The following CLYBL variants were observed in gnomAD, a reference collection of about 807,000 sequenced individuals.
CLYBL encodes citramalyl-CoA lyase, mitochondrial.
A neutral mutation model predicts 38.9 loss-of-function variants in CLYBL; 31 were observed. That is an observed-to-expected ratio of 0.80 (90% confidence interval 0.60 to 1.08). The LOEUF is 1.08. Among genes scored for constraint, CLYBL ranks in the 50% least tolerant of loss-of-function variants. CLYBL has a pLI of 0.00. For synonymous variants in CLYBL, 171 were observed against 158.6 expected, an observed-to-expected ratio of 1.08 and a Z score of -0.59; for missense variants, 434 against 411.6, an observed-to-expected ratio of 1.05 and a Z score of -0.47.
At chr13:99,803,965 T>C (rs890083778) in intron 2 of CLYBL, among the ~76,000 whole-genome samples, 3 of 152,058 alleles carry the variant, frequency 2.0e-5, no homozygotes, top group Admixed American at 2.0e-4. Flanking sequence ...AGCCATGAAC[T>C]AGAGAACAAG....
At chr13:99,854,250 G>C (rs765078498) in intron 2 of CLYBL, among the ~76,000 whole-genome samples, 1 of 151,976 alleles carries the variant, frequency 6.6e-6, no homozygotes, top group African/African-American at 2.4e-5. Flanking sequence ...GGTTTGAGTC[G>C]GGGGCTGGGA....
chr13:99,782,685 A>T (rs2049684505), intron 2 of CLYBL, among the ~76,000 whole-genome samples: 1 of 151,498 alleles, frequency 6.6e-6, no homozygotes. Flanking sequence ...TGGATTTATT[A>T]CTCTTTTTCT....
At chr13:99,699,339 C>T (rs561372526) in intron 1 of CLYBL, among the ~76,000 whole-genome samples, 39 of 151,870 alleles carry the variant, frequency 2.6e-4, no homozygotes, top group South Asian at 6.2e-4. Context: ...AAGCTGAGAT[C>T]GTGCCATTGC....
chr13:99,766,353 G>T (rs927195978), intron 1 of CLYBL, among the ~76,000 whole-genome samples: 1 of 152,044 alleles, frequency 6.6e-6, no homozygotes, highest in Non-Finnish European at 1.5e-5. Context: ...TCCATTCTAA[G>T]ATTTCTGCTT....
At chr13:99,607,079 G>A (rs2046538150) in intron 1 of CLYBL, among the ~76,000 whole-genome samples, 1 of 152,356 alleles carries the variant, frequency 6.6e-6, no homozygotes, top group East Asian at 1.9e-4. Flanking sequence ...GAGGCGGCTT[G>A]CCTGGTGAAG....
chr13:99,697,989 G>A (rs1424786356), intron 1 of CLYBL, among the ~76,000 whole-genome samples: 1 of 152,110 alleles, frequency 6.6e-6, no homozygotes, highest in East Asian at 1.9e-4. Context: ...AGGGCACTGG[G>A]CCAACAGGTA....
At position 99,792,234 on chromosome 13, in the gene CLYBL, C is replaced by T. The variant is rs150214393; in HGVS notation, c.249+19224C>T. On this transcript the variant is annotated intron_variant, in intron 2 of 8. Coordinates refer to ENST00000339105, the MANE Select transcript of CLYBL (RefSeq NM_206808.5). ...GAAGGCAGCACCATCTGGCTGAGGA[C>T]AGTTCAGAGCAAGTGGGAGCTGGGC... Among the ~76,000 whole-genome samples the T allele has an allele frequency of 1.7e-3, 263 of 152,278 alleles. 2 individuals are homozygous for T. The highest frequency in any genetic ancestry group is 3.4e-3 in the Middle Eastern group (1 of 294).
chr13:99,699,035 A>AT (rs199922075), intron 1 of CLYBL, among the ~76,000 whole-genome samples: 5 of 150,682 alleles, frequency 3.3e-5, no homozygotes, highest in South Asian at 4.2e-4. Context: ...TCGGAGTAAG[A>AT]TTTTTTTTTT....
chr13:99,779,750 A>ATTC (rs2049600303), intron 2 of CLYBL, among the ~76,000 whole-genome samples: 1 of 152,192 alleles, frequency 6.6e-6, no homozygotes, highest in South Asian at 2.1e-4. Context: ...GCAAGGACTT[A>ATTC]AATTTCCAAG....
intron 2 of CLYBL, among the ~76,000 whole-genome samples, chr13:99,792,886 A>G (rs2138898132): frequency 6.6e-6 from 1 of 151,932 alleles, no homozygotes; most frequent in East Asian, 1.9e-4. Flanking sequence ...TTGGCTTATT[A>G]TTAGTCTTTA....
chr13:99,670,497 G>C (rs1404925158), intron 1 of CLYBL, among the ~76,000 whole-genome samples: 1 of 152,094 alleles, frequency 6.6e-6, no homozygotes, highest in East Asian at 1.9e-4. Flanking sequence ...GCAGTTTCTA[G>C]ACACGTGCTC....
chr13:99,637,014 GGAC>G (rs1482065832), intron 1 of CLYBL, among the ~76,000 whole-genome samples: 2 of 152,252 alleles, frequency 1.3e-5, no homozygotes, highest in Admixed American at 6.5e-5. Context: ...TGAGTAGCTG[GGAC>G]TACAGTCATG....
chr13:99,899,255 C>G (rs7331251), downstream of CLYBL, among the ~76,000 whole-genome samples: 3 of 152,172 alleles, frequency 2.0e-5, no homozygotes, highest in Admixed American at 6.5e-5. Flanking sequence ...TCCAGGGCCC[C>G]CCACCATTTT....
intron 2 of CLYBL, among the ~76,000 whole-genome samples, chr13:99,817,092 A>G (rs886683247): frequency 6.6e-6 from 1 of 152,112 alleles, no homozygotes; most frequent in Non-Finnish European, 1.5e-5. Context: ...CTCTTGTTCC[A>G]TCACCAGGTT....
chr13:99,908,750 A>G (rs1442631846), exon 10 of CLYBL, among the ~76,000 whole-genome samples: 1 of 152,200 alleles, frequency 6.6e-6, no homozygotes, highest in African/African-American at 2.4e-5. Context: ...TACTCTTGTG[A>G]GGTTGGATTT....
At chr13:99,722,983 C>G (rs1350456978) in intron 1 of CLYBL, among the ~76,000 whole-genome samples, 1 of 152,256 alleles carries the variant, frequency 6.6e-6, no homozygotes, top group Non-Finnish European at 1.5e-5. Context: ...TGTACGTCAA[C>G]TGCTGTTGTC....
chr13:99,792,258 G>T (rs1304954247), intron 2 of CLYBL, among the ~76,000 whole-genome samples: 1 of 152,182 alleles, frequency 6.6e-6, no homozygotes, highest in Non-Finnish European at 1.5e-5. Flanking sequence ...TGGGAGCTGG[G>T]CTGGAGGCTG....
At chr13:99,692,293 T>G (rs112178790) in intron 1 of CLYBL, among the ~76,000 whole-genome samples, 9,916 of 134,820 alleles carry the variant, frequency 0.074, 1,117 homozygotes, top group African/African-American at 0.24. Context: ...TTTGTTTTTT[T>G]TTTTTTGTTT....
Position 99,679,173 on chromosome 13 carries a change from G to A in CLYBL, c.62+72416G>A, listed in dbSNP as rs535778703. Among the ~76,000 whole-genome samples, 35 of 151,652 alleles carry A rather than the reference G, an allele frequency of 2.3e-4. No homozygotes were observed. In the South Asian group the frequency reaches 6.5e-3, roughly 28 times the overall value. ...GCCGGGTGTGGTGGCGGGCGCCTGT[G>A]GTCCCAGCTACTTGGGAGGCTGAGG... is the stretch of plus-strand genomic sequence containing the variant. On this transcript the variant is annotated intron_variant, in intron 1 of 8. Coordinates refer to ENST00000339105, the MANE Select transcript of CLYBL (RefSeq NM_206808.5).
Sources: gnomAD v4.1 joint callset for allele counts (sites outside exome capture counted in the v4.1 genomes callset) on GRCh38, gnomAD v4.1.1 for gene constraint, MANE v1.5 for transcripts, NCBI Gene and HGNC (gene_info 2026-07-23, HGNC 2026-07-21) for gene names.